The following TLN2 variants were observed in gnomAD, a reference collection of about 807,000 sequenced individuals.
The protein encoded by TLN2 is talin 2, also known as talin-2.
Under a neutral mutation model 294.7 loss-of-function variants are expected in TLN2, and 118 were observed. The ratio of observed to expected loss-of-function variants is 0.40; its 90% CI spans 0.34 to 0.47. The LOEUF (loss-of-function observed/expected upper bound fraction) is 0.47, where lower values mean the gene tolerates loss of function less well. TLN2 is among the 20% of genes least tolerant of loss of function. TLN2 has a pLI of 0.84. For missense variants in TLN2, 3,083 were observed against 3,282.2 expected, an observed-to-expected ratio of 0.94 and a Z score of 1.48; for synonymous variants, 1,431 against 1,304.5, an observed-to-expected ratio of 1.10 and a Z score of -2.09.
intron 9 of TLN2, chr15:62,658,172 T>TG (rs758445957): frequency 0.047 from 4,129 of 87,348 alleles, 98 homozygotes; most frequent in South Asian, 0.11. Context: ...AAGAGGAAAG[T>TG]AAAAAAAAAA....
intron 1 of TLN2, among the ~76,000 whole-genome samples, chr15:62,425,755 A>G (rs562397997): frequency 1.2e-4 from 19 of 152,326 alleles, no homozygotes; most frequent in African/African-American, 4.6e-4. Context: ...TTGGAGTTTC[A>G]GCCTGCCTGC....
chr15:62,562,760 A>T (rs1349254545), intron 1 of TLN2, among the ~76,000 whole-genome samples: 1 of 151,934 alleles, frequency 6.6e-6, no homozygotes, highest in Non-Finnish European at 1.5e-5. Flanking sequence ...GCATCTTTGT[A>T]GCTTAGCTCC....
chr15:62,779,407 A>G (rs989494005), intron 43 of TLN2, among the ~76,000 whole-genome samples: 3 of 152,256 alleles, frequency 2.0e-5, no homozygotes, highest in Non-Finnish European at 4.4e-5. Flanking sequence ...TGCCATCTAC[A>G]TCACGGCTGT....
intron 1 of TLN2, among the ~76,000 whole-genome samples, chr15:62,511,618 G>A (rs569615439): frequency 4.1e-5 from 6 of 145,330 alleles, no homozygotes; most frequent in Admixed American, 1.4e-4. Flanking sequence ...CGTGAGAAGC[G>A]GAGTCCTTTC....
At chr15:62,455,554 A>G (rs1443189484) in intron 1 of TLN2, among the ~76,000 whole-genome samples, 2 of 152,124 alleles carry the variant, frequency 1.3e-5, no homozygotes, top group African/African-American at 4.8e-5. Context: ...GACTTTTAGA[A>G]AGAGTAACCT....
intron 31 of TLN2, 56 bp from the exon 32 acceptor site, chr15:62,740,574 G>A (rs2061271255): frequency 3.7e-6 from 6 of 1,606,726 alleles, no homozygotes; most frequent in Non-Finnish European, 4.3e-6. Context: ...CTCTCTGAAT[G>A]CCTCCTTCAA....
rs2058699819 is a variant in TLN2 at position 62,701,221 on chromosome 15, C to G, written c.1696+7C>G. ...GTTGTTAACCTCACAGCTGGTAAGTCCCGGAGAGATTTGTGCTGCATTGGG... is the reference window on the plus strand; with the variant it reads ...GTTGTTAACCTCACAGCTGGTAAGTGCCGGAGAGATTTGTGCTGCATTGGG... On this transcript the variant is annotated splice_region_variant and intron_variant, in intron 17 of 58. Transcript: ENST00000636159. 6.2e-7 allele frequency: 1 copy of G among 1,609,608 alleles called. No individual in the cohort carries two copies.
At chr15:62,763,434 G>A in intron 39 of TLN2, 129 bp from the exon 40 acceptor site, 1 of 1,276,262 alleles carries the variant, frequency 7.8e-7, no homozygotes, top group Non-Finnish European at 1.1e-6. Context: ...AGGGGTCAGG[G>A]ATTCCTCCTG....
At chr15:62,455,320 C>G (rs1453498618) in intron 1 of TLN2, among the ~76,000 whole-genome samples, 1 of 151,964 alleles carries the variant, frequency 6.6e-6, no homozygotes, top group Non-Finnish European at 1.5e-5. Context: ...TGGAGGTGCA[C>G]TTCAGCCGCG....
At chr15:62,724,227 A>T (rs2060312371) in intron 26 of TLN2, among the ~76,000 whole-genome samples, 1 of 152,104 alleles carries the variant, frequency 6.6e-6, no homozygotes, top group African/African-American at 2.4e-5. Context: ...AAGTTAGTTA[A>T]CCTCTCTGTG....
At chr15:62,574,432 T>G (rs2044202398) in intron 1 of TLN2, among the ~76,000 whole-genome samples, 1 of 151,058 alleles carries the variant, frequency 6.6e-6, no homozygotes, top group Admixed American at 6.6e-5. Flanking sequence ...GATGAAAAAT[T>G]TAGCCAGGCA....
intron 3 of TLN2, among the ~76,000 whole-genome samples, chr15:62,643,405 ATTTTT>A (rs571288380): frequency 2.9e-4 from 26 of 90,736 alleles, no homozygotes; most frequent in African/African-American, 1.3e-3. Context: ...TGGTTCCAGG[ATTTTT>A]TTTTTTTTTT....
chr15:62,491,349 T>TAC lies in TLN2; in HGVS notation c.-237-98337_-237-98336insCA, dbSNP rs1446456385. The stretch of plus-strand genomic sequence containing the variant: ...CTCAAAAAAAAAAAATATATATATA[T>TAC]ATACACACACACACACACACACACA... On this transcript the variant is annotated intron_variant, in intron 1 of 58. Transcript: ENST00000636159. Among the ~76,000 whole-genome samples the TAC allele has an allele frequency of 8.3e-4, 70 of 84,558 alleles. 1 individual carries two copies. Among genetic ancestry groups the TAC allele is most frequent in the African/African-American group, 3.3e-3 (55 of 16,524 alleles). 55.5% of individuals were successfully genotyped at this position (84,558 alleles called of 152,430 possible).
At chr15:62,746,756 C>T (rs535982555) in intron 32 of TLN2, among the ~76,000 whole-genome samples, 2 of 152,252 alleles carry the variant, frequency 1.3e-5, no homozygotes, top group African/African-American at 4.8e-5. Flanking sequence ...GAAACTGAGT[C>T]GAATTCTGGG....
At chr15:62,662,203 A>G (rs2053928248) in intron 9 of TLN2, among the ~76,000 whole-genome samples, 1 of 152,164 alleles carries the variant, frequency 6.6e-6, no homozygotes, top group Admixed American at 6.5e-5. Context: ...AAAAGGCAAA[A>G]TAAGGTTAAG....
intron 5 of TLN2, among the ~76,000 whole-genome samples, chr15:62,650,865 A>G (rs1306106891): frequency 6.6e-6 from 1 of 152,134 alleles, no homozygotes; most frequent in African/African-American, 2.4e-5. Flanking sequence ...AGTTTTAGGA[A>G]GTGTAGTAAA....
At chr15:62,510,213 G>A (rs1054590434) in intron 1 of TLN2, among the ~76,000 whole-genome samples, 2 of 152,116 alleles carry the variant, frequency 1.3e-5, no homozygotes, top group East Asian at 3.9e-4. Flanking sequence ...AGCCCCTTTG[G>A]GTCAGCACTG....
intron 1 of TLN2, among the ~76,000 whole-genome samples, chr15:62,500,755 C>T (rs1209951650): frequency 2.0e-5 from 3 of 152,188 alleles, no homozygotes; most frequent in East Asian, 1.9e-4. Context: ...CTTGAGGGAG[C>T]GCTGTTGGGA....
chr15:62,674,969 CAT>C (rs1175795224), intron 10 of TLN2, among the ~76,000 whole-genome samples: 2 of 152,188 alleles, frequency 1.3e-5, no homozygotes, highest in Admixed American at 6.5e-5. Flanking sequence ...TGGATTGTCA[CAT>C]TTAGTTGTGA....
Sources: gnomAD v4.1 joint callset for allele counts (sites outside exome capture counted in the v4.1 genomes callset) on GRCh38, gnomAD v4.1.1 for gene constraint, MANE v1.5 for transcripts, NCBI Gene and HGNC (gene_info 2026-07-23, HGNC 2026-07-21) for gene names.